Variants in EPB41 observed in about 807,000 individuals in gnomAD.
EPB41 encodes erythrocyte membrane protein band 4.1.
A neutral mutation model predicts 108.0 loss-of-function variants in EPB41; 65 were observed. The observed-to-expected ratio is 0.60, with a 90% CI of 0.49 to 0.74. EPB41 has a LOEUF of 0.74. EPB41 is among the 30% of genes least tolerant of loss of function. EPB41 has a pLI of 0.00. For synonymous variants in EPB41, 336 were observed against 358.9 expected (o/e 0.94, Z 0.72); for missense variants, 875 against 1,037.0 (o/e 0.84, Z 2.15).
chr1:29,031,051 C>T (rs375261528), intron 8 of EPB41, among the ~76,000 whole-genome samples: 102 of 152,154 alleles, frequency 6.7e-4, no homozygotes, highest in Admixed American at 8.5e-4. Flanking sequence ...CCTCGTGATC[C>T]GCCCGCCTCG....
chr1:29,003,601 G>C (rs2096344820), intron 4 of EPB41, among the ~76,000 whole-genome samples: 1 of 151,964 alleles, frequency 6.6e-6, no homozygotes. Flanking sequence ...GTAAAGATTT[G>C]TCCTTTGTAT....
intron 1 of EPB41, among the ~76,000 whole-genome samples, chr1:28,952,577 T>C (rs1268863145): frequency 6.6e-6 from 1 of 152,090 alleles, no homozygotes; most frequent in African/African-American, 2.4e-5. Flanking sequence ...TTTTAGTCAA[T>C]CTGGAAAATA....
intron 2 of EPB41, among the ~76,000 whole-genome samples, chr1:28,992,516 ATC>A (rs1167605029): frequency 1.3e-5 from 2 of 152,098 alleles, no homozygotes; most frequent in Non-Finnish European, 2.9e-5. Context: ...GTGAAACCCC[ATC>A]TCTACTAAAA....
chr1:29,089,585 G>C (rs1025260718), intron 16 of EPB41, among the ~76,000 whole-genome samples: 2 of 152,176 alleles, frequency 1.3e-5, no homozygotes, highest in Non-Finnish European at 2.9e-5. Flanking sequence ...AAATCTAGAA[G>C]AAATGACAGT....
At chr1:29,039,088 G>A (rs919126335) in intron 10 of EPB41, among the ~76,000 whole-genome samples, 166 bp from the exon 11 acceptor site, 4 of 152,242 alleles carry the variant, frequency 2.6e-5, no homozygotes, top group African/African-American at 7.2e-5. Context: ...TTTGAGAAAT[G>A]ACAAAGAACT....
chr1:28,904,381 G>A (rs529542832), intron 1 of EPB41, among the ~76,000 whole-genome samples: 1 of 152,078 alleles, frequency 6.6e-6, no homozygotes, highest in African/African-American at 2.4e-5. Flanking sequence ...TTGGTTGCTA[G>A]CAGATTTAAA....
intron 1 of EPB41, among the ~76,000 whole-genome samples, chr1:28,930,545 C>T (rs2093690941): frequency 6.6e-6 from 1 of 151,666 alleles, no homozygotes; most frequent in African/African-American, 2.4e-5. Flanking sequence ...AGTGCAGTGG[C>T]ACGATCTTGA....
Position 29,069,024 on chromosome 1 carries a change from A to G in EPB41, c.2184+3866A>G, listed in dbSNP as rs1170503044. On this transcript the variant is annotated intron_variant, in intron 16 of 20. Transcript: ENST00000343067. ...GCTGGTTGAAAAGCTGCATGAAGATATAAATATGTTTTCAGAGAGAAAATG... is the reference window on the plus strand; with the variant it reads ...GCTGGTTGAAAAGCTGCATGAAGATGTAAATATGTTTTCAGAGAGAAAATG... The G allele has an allele frequency of 3.9e-6, 3 of 767,724 alleles. No individual in the cohort carries two copies. In the African/African-American group the frequency reaches 5.4e-5, roughly 14 times the overall value. The allele number at this position is 767,724 out of a possible 1,614,324, so 47.6% of individuals were successfully genotyped here. A position where few individuals can be genotyped will look rare whatever the true frequency, so the allele number is the denominator to read the frequency against.
At chr1:29,108,357 AT>A (rs1667946139) in intron 17 of EPB41, among the ~76,000 whole-genome samples, 1 of 151,412 alleles carries the variant, frequency 6.6e-6, no homozygotes, top group Admixed American at 6.6e-5. Flanking sequence ...CATGTTGGTC[AT>A]TCTGGTCTCA....
intron 1 of EPB41, among the ~76,000 whole-genome samples, chr1:28,889,602 G>T (rs549884441): frequency 2.0e-5 from 3 of 152,372 alleles, no homozygotes; most frequent in Non-Finnish European, 4.4e-5. Context: ...CATCCATCTG[G>T]CTAGGAAGAT....
chr1:29,066,159 G>C (rs1192765486), intron 16 of EPB41, among the ~76,000 whole-genome samples: 1 of 151,910 alleles, frequency 6.6e-6, no homozygotes, highest in Non-Finnish European at 1.5e-5. Context: ...GGTGGCTCAC[G>C]CCTGTAATCC....
At position 29,097,793 on chromosome 1, in the gene EPB41, T is replaced by G. The variant is rs918922523; in HGVS notation, c.2185-14T>G. ...CAGAAATACTCTAGTAACTCTTTCC[T>G]TACTGCTTCACAGCCTCCCCTGGTG... On this transcript the variant is annotated splice_polypyrimidine_tract_variant and intron_variant, in intron 16 of 20. Coordinates refer to ENST00000343067, the MANE Select transcript of EPB41 (RefSeq NM_001376013.1). 6.2e-7 allele frequency: 1 copy of G among 1,613,748 alleles called. No homozygotes were observed. The highest frequency in any genetic ancestry group is 8.5e-7 in the Non-Finnish European group (1 of 1,179,752).
chr1:29,085,804 G>A (rs962782346), intron 16 of EPB41, among the ~76,000 whole-genome samples: 9 of 151,984 alleles, frequency 5.9e-5, no homozygotes, highest in African/African-American at 1.9e-4. Flanking sequence ...TGCCCGCCTC[G>A]TCCTCCCAAA....
chr1:29,056,084 A>T (rs1451428638), intron 12 of EPB41, among the ~76,000 whole-genome samples: 1 of 151,942 alleles, frequency 6.6e-6, no homozygotes, highest in Non-Finnish European at 1.5e-5. Flanking sequence ...AATACAAAAA[A>T]TTAGCCAGGC....
chr1:29,030,564 ATCTG>A (rs781124210), intron 8 of EPB41, 77 bp downstream of exon 8: 62 of 1,079,698 alleles, frequency 5.7e-5, no homozygotes, highest in Non-Finnish European at 8.6e-5. Context: ...TATGTATCAC[ATCTG>A]TGTCATATAA....
chr1:29,114,138 C>T (rs1284855581), intron 19 of EPB41, among the ~76,000 whole-genome samples: 1 of 152,182 alleles, frequency 6.6e-6, no homozygotes, highest in African/African-American at 2.4e-5. Context: ...GTCAGCTGGT[C>T]ATTTCTAGCT....
At chr1:28,944,524 C>T (rs2094421210) in intron 1 of EPB41, among the ~76,000 whole-genome samples, 1 of 146,780 alleles carries the variant, frequency 6.8e-6, no homozygotes, top group Non-Finnish European at 1.5e-5. Flanking sequence ...ACATAAAACT[C>T]TCAGATCTGG....
At chr1:29,030,191 T>C (rs1270207606) in intron 7 of EPB41, among the ~76,000 whole-genome samples, 6 of 152,178 alleles carry the variant, frequency 3.9e-5, no homozygotes. Context: ...TTTGCTCACA[T>C]TGTCTTTTTC....
At chr1:28,931,904 T>G (rs1157036643) in intron 1 of EPB41, among the ~76,000 whole-genome samples, 1 of 152,218 alleles carries the variant, frequency 6.6e-6, no homozygotes, top group Admixed American at 6.5e-5. Flanking sequence ...TTGGTGGCCT[T>G]GGCAGGGGCC....
Sources: allele counts gnomAD v4.1 joint callset (sites outside exome capture counted in the v4.1 genomes callset), GRCh38; gene constraint gnomAD v4.1.1; transcripts MANE v1.5; gene names NCBI Gene and HGNC (gene_info 2026-07-23, HGNC 2026-07-21).